Variants in GNB1L observed in about 807,000 individuals in gnomAD.
The protein encoded by GNB1L is G protein subunit beta 1 like.
GNB1L carries 20 observed loss-of-function variants against 29.1 expected under a neutral mutation model. That is an observed-to-expected ratio of 0.69 (90% confidence interval 0.48 to 1.00). The LOEUF (loss-of-function observed/expected upper bound fraction) is 1.00. Among genes scored for constraint, GNB1L ranks in the 50% least tolerant of loss-of-function variants. The probability of loss-of-function intolerance (pLI) is 0.00; values close to 1 mark genes in which losing one functional copy is unlikely to be tolerated. For synonymous variants in GNB1L, 193 were observed against 206.5 expected (o/e 0.93, Z 0.56); for missense variants, 421 against 464.9 (o/e 0.91, Z 0.87).
At chr22:19,849,784 T>C in intron 2 of GNB1L, 3 of 985,488 alleles carry the variant, frequency 3.0e-6, no homozygotes, top group Non-Finnish European at 2.4e-6. Context: ...TGTTGTTTTG[T>C]TGTTTTCACA....
chr22:19,808,849 A>G (rs920750696), intron 5 of GNB1L, among the ~76,000 whole-genome samples: 2 of 152,214 alleles, frequency 1.3e-5, no homozygotes, highest in African/African-American at 4.8e-5. Flanking sequence ...AGCAGTGGCA[A>G]GCTGTCATTG....
intron 5 of GNB1L, among the ~76,000 whole-genome samples, chr22:19,807,172 G>A (rs751513824): frequency 3.3e-5 from 5 of 152,188 alleles, no homozygotes; most frequent in African/African-American, 9.7e-5. Flanking sequence ...TGTGATGTGC[G>A]TCCTCTGAGG....
chr22:19,801,935 T>G lies in GNB1L; in HGVS notation c.732+66A>C. On this transcript the variant is annotated intron_variant, in intron 7 of 7. Transcript: ENST00000329517. ...ACAACTCCTCTTCATGCCTAAATATTGTTTCAGCCTATCAGACTGTTAGTG... is the reference window on the plus strand; with the variant it reads ...ACAACTCCTCTTCATGCCTAAATATGGTTTCAGCCTATCAGACTGTTAGTG... 2.3e-6 allele frequency: 3 copies of G among 1,294,002 alleles called. No individual in the cohort carries two copies. In the Admixed American group the frequency reaches 6.6e-5, roughly 28 times the overall value. 80.2% of individuals were successfully genotyped at this position (1,294,002 alleles called of 1,614,324 possible).
In GNB1L at chr22:19,787,791, C is replaced by T. The variant is rs577551897; in HGVS notation, c.*918G>A. On this transcript the variant is annotated 3_prime_UTR_variant, in exon 8 of 8. Transcript: ENST00000329517. The stretch of plus-strand genomic sequence containing the variant: ...GGTCATGGTTCTTTCCCAATCAACA[C>T]CCGCTTTTAGGAGGAGACGACCGGC... 6.6e-6 allele frequency: 1 copy of T among 152,562 alleles called. No homozygotes were observed. Among genetic ancestry groups the T allele is most frequent in the African/African-American group, 2.4e-5 (1 of 41,496 alleles). 9.5% of individuals were successfully genotyped at this position (152,562 alleles called of 1,614,324 possible). A position where few individuals can be genotyped will look rare whatever the true frequency, so the allele number is the denominator to read the frequency against.
At chr22:19,808,729 C>G (rs1937464950) in intron 5 of GNB1L, among the ~76,000 whole-genome samples, 1 of 152,218 alleles carries the variant, frequency 6.6e-6, no homozygotes, top group South Asian at 2.1e-4. Flanking sequence ...GGACAGGGTT[C>G]CTCCTCTTAG....
Position 19,845,985 on chromosome 22 carries a change from G to A in GNB1L, c.-21+8458C>T, listed in dbSNP as rs555949459. Among the ~76,000 whole-genome samples, 61 of 152,358 alleles carry A rather than the reference G, an allele frequency of 4.0e-4. 2 individuals carry two copies. The South Asian group carries it at 0.013, about 32-fold the overall frequency. ...GATCAGACCAGAGAGCAGGCGGGTA[G>A]GCCAGGCATGGCTCACGGGTGGCTG... On this transcript the variant is annotated intron_variant, in intron 2 of 7. Transcript: ENST00000329517.
intron 2 of GNB1L, chr22:19,848,789 A>T: frequency 1.0e-6 from 1 of 985,522 alleles, no homozygotes; most frequent in Non-Finnish European, 1.2e-6. Context: ...CCCCAATAGG[A>T]CAGGGTTCAA....
chr22:19,843,924 C>T (rs1178245412), intron 2 of GNB1L, among the ~76,000 whole-genome samples: 1 of 152,206 alleles, frequency 6.6e-6, no homozygotes, highest in African/African-American at 2.4e-5. Flanking sequence ...GCACCTCCAC[C>T]CTGCTCCCCT....
chr22:19,804,973 G>C (rs1383508202), intron 6 of GNB1L, among the ~76,000 whole-genome samples: 3 of 152,226 alleles, frequency 2.0e-5, no homozygotes, highest in Non-Finnish European at 1.5e-5. Flanking sequence ...TGCAGCCTTG[G>C]GGGGCGTTTT....
chr22:19,825,329 T>C (rs964705278), intron 2 of GNB1L, among the ~76,000 whole-genome samples: 44 of 152,326 alleles, frequency 2.9e-4, no homozygotes, highest in Admixed American at 1.2e-3. Context: ...TGATAAAAGT[T>C]TCTTAGAAGG....
intron 7 of GNB1L, 41 bp from the exon 8 acceptor site, chr22:19,789,001 C>G: frequency 1.3e-6 from 2 of 1,560,066 alleles, no homozygotes; most frequent in Middle Eastern, 3.9e-4. Flanking sequence ...TCCTTAAGCC[C>G]ACAAGGCAGT....
intron 2 of GNB1L, among the ~76,000 whole-genome samples, chr22:19,853,752 T>C (rs1378857954): frequency 1.3e-5 from 2 of 151,904 alleles, no homozygotes; most frequent in African/African-American, 2.4e-5. Flanking sequence ...GCCCAGCCCA[T>C]GACCCTGGCT....
chr22:19,810,470 G>A (rs936871502), intron 5 of GNB1L, among the ~76,000 whole-genome samples: 10 of 152,104 alleles, frequency 6.6e-5, no homozygotes, highest in African/African-American at 1.7e-4. Context: ...GGGTGGCGGC[G>A]CCTTGAACCA....
At chr22:19,821,153 C>A (rs577299945) in intron 3 of GNB1L, 75 bp downstream of exon 3, 2 of 1,450,858 alleles carry the variant, frequency 1.4e-6, no homozygotes, top group African/African-American at 2.8e-5. Flanking sequence ...CTCAAACAAG[C>A]GCTGGGCTCC....
intron 5 of GNB1L, among the ~76,000 whole-genome samples, chr22:19,810,717 C>A (rs951283723): frequency 6.6e-6 from 1 of 152,006 alleles, no homozygotes; most frequent in African/African-American, 2.4e-5. Context: ...GGTGGGAGTG[C>A]GGCTCCCTGG....
chr22:19,828,478 G>C (rs951553086), intron 2 of GNB1L, among the ~76,000 whole-genome samples: 1 of 151,996 alleles, frequency 6.6e-6, no homozygotes, highest in Non-Finnish European at 1.5e-5. Context: ...AACATAGTCA[G>C]ATTCCATCTC....
chr22:19,792,835 A>G, intron 7 of GNB1L: 1 of 1,226,326 alleles, frequency 8.2e-7, no homozygotes, highest in Non-Finnish European at 1.2e-6. Context: ...GGGGTCCCTT[A>G]CTGCATTATC....
At chr22:19,806,980 C>G (rs531032496) in intron 5 of GNB1L, among the ~76,000 whole-genome samples, 1 of 152,222 alleles carries the variant, frequency 6.6e-6, no homozygotes, top group Admixed American at 6.5e-5. Flanking sequence ...CAGCCTCTCC[C>G]GACGTTACCG....
chr22:19,848,294 G>T (rs1048396314), intron 2 of GNB1L: 1 of 985,332 alleles, frequency 1.0e-6, no homozygotes, highest in East Asian at 1.1e-4. Flanking sequence ...CCGTCCCTGA[G>T]CATGTCCAGC....
Sources: gnomAD v4.1 joint callset for allele counts (sites outside exome capture counted in the v4.1 genomes callset) on GRCh38, gnomAD v4.1.1 for gene constraint, MANE v1.5 for transcripts, NCBI Gene and HGNC (gene_info 2026-07-23, HGNC 2026-07-21) for gene names.